FRMD6: variants seen among roughly 807,000 people sequenced by gnomAD.
FRMD6 encodes the protein FERM domain-containing protein 6.
In FRMD6, 37 loss-of-function variants were observed where a neutral mutation model predicts 73.2. The ratio of observed to expected loss-of-function variants is 0.51; its 90% CI spans 0.39 to 0.66. The LOEUF is 0.66. Ranked by LOEUF, FRMD6 falls within the 30% of genes least tolerant of loss-of-function variation. The pLI is 0.00. For synonymous variants in FRMD6, 273 were observed against 282.2 expected (o/e 0.97, Z 0.33); for missense variants, 714 against 780.5 (o/e 0.91, Z 1.02).
At chr14:51,633,621 AG>A (rs1891427146) in intron 2 of FRMD6, among the ~76,000 whole-genome samples, 2 of 99,366 alleles carry the variant, frequency 2.0e-5, no homozygotes, top group Non-Finnish European at 3.9e-5. Flanking sequence ...AAAAAAAAAA[AG>A]AAATAATTAT....
intron 2 of FRMD6, among the ~76,000 whole-genome samples, chr14:51,614,393 A>G (rs1890630551): frequency 6.6e-6 from 1 of 152,104 alleles, no homozygotes; most frequent in African/African-American, 2.4e-5. Context: ...TGGACTGTCT[A>G]CTCTAAAAGA....
chr14:51,644,248 C>A (rs1255940791), intron 2 of FRMD6, among the ~76,000 whole-genome samples: 2 of 152,082 alleles, frequency 1.3e-5, no homozygotes, highest in Admixed American at 6.6e-5. Flanking sequence ...AGGGATAGAT[C>A]ATTTTTCATC....
intron 6 of FRMD6, among the ~76,000 whole-genome samples, chr14:51,705,885 C>A (rs544515305): frequency 1.3e-5 from 2 of 152,272 alleles, no homozygotes; most frequent in African/African-American, 4.8e-5. Context: ...CTAAATTTTG[C>A]TGCTGTACCT....
chr14:51,526,010 CATCT>C (rs1416016762), intron 1 of FRMD6, among the ~76,000 whole-genome samples: 2 of 152,164 alleles, frequency 1.3e-5, no homozygotes, highest in Non-Finnish European at 2.9e-5. Flanking sequence ...TAAGGAGTGA[CATCT>C]ATTCTGGGAC....
the FRMD6 span, among the ~76,000 whole-genome samples, chr14:51,412,644 G>A: frequency 6.6e-6 from 1 of 152,050 alleles, no homozygotes; most frequent in Non-Finnish European, 1.5e-5. Context: ...GAGGTCAGGA[G>A]ATCAAGACCA....
At chr14:51,560,541 A>T (rs1157005090) in intron 1 of FRMD6, among the ~76,000 whole-genome samples, 1 of 152,146 alleles carries the variant, frequency 6.6e-6, no homozygotes, top group African/African-American at 2.4e-5. Context: ...CTGGTGTGCA[A>T]TACCATGATC....
At chr14:51,602,705 T>C (rs1890087702) in intron 2 of FRMD6, among the ~76,000 whole-genome samples, 1 of 152,220 alleles carries the variant, frequency 6.6e-6, no homozygotes, top group Admixed American at 6.5e-5. Context: ...TGTCAACTAC[T>C]GATTTAGAGC....
At chr14:51,627,201 G>C (rs1402775107) in intron 2 of FRMD6, among the ~76,000 whole-genome samples, 3 of 152,060 alleles carry the variant, frequency 2.0e-5, no homozygotes, top group Non-Finnish European at 2.9e-5. Context: ...AGTTGAAAGG[G>C]AGCATGATTA....
intron 2 of FRMD6, among the ~76,000 whole-genome samples, chr14:51,585,196 G>A (rs1022752885): frequency 1.3e-5 from 2 of 151,914 alleles, no homozygotes; most frequent in Non-Finnish European, 1.5e-5. Context: ...TGTTATTTTC[G>A]CCCCTAGAAG....
chr14:51,617,415 A>G (rs1366494538), intron 2 of FRMD6, among the ~76,000 whole-genome samples: 1 of 152,208 alleles, frequency 6.6e-6, no homozygotes, highest in Non-Finnish European at 1.5e-5. Flanking sequence ...TCATTCTTCC[A>G]GATGCAGTGT....
At chr14:51,432,309 C>A in the FRMD6 span, among the ~76,000 whole-genome samples, 24 of 152,076 alleles carry the variant, frequency 1.6e-4, no homozygotes, top group African/African-American at 5.6e-4. Context: ...GCTCCCCTGG[C>A]AGTACTTGTA....
intron 1 of FRMD6, among the ~76,000 whole-genome samples, chr14:51,679,831 T>A (rs1465364408): frequency 6.6e-6 from 1 of 152,196 alleles, no homozygotes; most frequent in Non-Finnish European, 1.5e-5. Context: ...TGGAGAAATA[T>A]GTTTTTAATC....
intron 10 of FRMD6, 141 bp from the exon 11 acceptor site, chr14:51,719,914 A>T: frequency 1.5e-6 from 1 of 653,684 alleles, no homozygotes; most frequent in Non-Finnish European, 2.6e-6. Context: ...TCTGAAGTCA[A>T]ATTCCTATCT....
intron 2 of FRMD6, among the ~76,000 whole-genome samples, chr14:51,616,508 A>G (rs1254529178): frequency 6.6e-6 from 1 of 152,184 alleles, no homozygotes; most frequent in African/African-American, 2.4e-5. Context: ...GATCAGGTGA[A>G]TCATAAATGT....
intron 5 of FRMD6, 120 bp downstream of exon 5, chr14:51,702,708 G>A: frequency 1.3e-6 from 1 of 760,714 alleles, no homozygotes; most frequent in Non-Finnish European, 2.1e-6. Context: ...AAACTCTGTA[G>A]GAGCAGCAAT....
At chr14:51,715,985 G>A (rs528617934) in intron 10 of FRMD6, among the ~76,000 whole-genome samples, 12 of 152,288 alleles carry the variant, frequency 7.9e-5, no homozygotes, top group Non-Finnish European at 1.8e-4. Flanking sequence ...TCTGATTGAC[G>A]GCTGGGAGGC....
chr14:51,610,969 A>G (rs778826474), intron 2 of FRMD6, among the ~76,000 whole-genome samples: 1 of 152,218 alleles, frequency 6.6e-6, no homozygotes, highest in Non-Finnish European at 1.5e-5. Context: ...GCTTGCTTAA[A>G]TACAGGCATA....
chr14:51,668,529 C>A (rs997061904), intron 1 of FRMD6, among the ~76,000 whole-genome samples: 1 of 151,894 alleles, frequency 6.6e-6, no homozygotes. Flanking sequence ...TGGTCTTGAA[C>A]CCCTGGCCTC....
At chr14:51,448,392 C>T in the FRMD6 span, among the ~76,000 whole-genome samples, 1 of 152,180 alleles carries the variant, frequency 6.6e-6, no homozygotes, top group Non-Finnish European at 1.5e-5. Flanking sequence ...GTGTCTAATT[C>T]CATACATTAA....
Sources: allele counts gnomAD v4.1 joint callset (sites outside exome capture counted in the v4.1 genomes callset), GRCh38; gene constraint gnomAD v4.1.1; transcripts MANE v1.5; gene names NCBI Gene and HGNC (gene_info 2026-07-23, HGNC 2026-07-21).